LRRC4C: variants seen among roughly 807,000 people sequenced by gnomAD.
The protein encoded by LRRC4C is leucine rich repeat containing 4C.
In LRRC4C, 5 loss-of-function variants were observed where a neutral mutation model predicts 33.6. The ratio of observed to expected loss-of-function variants is 0.15; its 90% confidence interval spans 0.08 to 0.31. LRRC4C has a LOEUF of 0.31. Among genes scored for constraint, LRRC4C ranks in the 10% least tolerant of loss-of-function variants. The pLI is 1.00. For missense variants in LRRC4C, 560 were observed against 796.7 expected, an observed-to-expected ratio of 0.70 and a Z score of 3.58; for synonymous variants, 329 against 302.0, an observed-to-expected ratio of 1.09 and a Z score of -0.93.
In LRRC4C at chr11:40,756,831, T is replaced by C. The variant is rs1255944973; in HGVS notation, c.-406-108553A>G. Among the ~76,000 whole-genome samples, 10 of 152,110 alleles carry C rather than the reference T, an allele frequency of 6.6e-5. No homozygotes were observed. The East Asian group carries it at 9.7e-4, about 15-fold the overall frequency. ...ATTTGAAAACCAATGGATAAATGAA[T>C]ATACAGTTCAAGCTAGAGGACAGCC... On this transcript the variant is annotated intron_variant, in intron 2 of 6. Coordinates refer to ENST00000528697, the MANE Select transcript of LRRC4C (RefSeq NM_001258419.2).
At chr11:40,306,095 A>G (rs538438606) in intron 4 of LRRC4C, among the ~76,000 whole-genome samples, 1 of 152,292 alleles carries the variant, frequency 6.6e-6, no homozygotes, top group South Asian at 2.1e-4. Context: ...ATTCAGCCAG[A>G]CTGCCTGACT....
chr11:41,165,675 G>T (rs1944688755), intron 1 of LRRC4C, among the ~76,000 whole-genome samples: 1 of 152,018 alleles, frequency 6.6e-6, no homozygotes, highest in Admixed American at 6.6e-5. Flanking sequence ...TCCCCATAAT[G>T]TTTAACCCAG....
At chr11:41,093,169 A>C (rs1051334904) in intron 1 of LRRC4C, among the ~76,000 whole-genome samples, 15 of 152,164 alleles carry the variant, frequency 9.9e-5, no homozygotes, top group African/African-American at 3.6e-4. Flanking sequence ...CAAAGTCCCA[A>C]CTCCTCTGTT....
intron 2 of LRRC4C, among the ~76,000 whole-genome samples, chr11:40,838,330 A>G (rs148764395): frequency 1.4e-3 from 209 of 152,300 alleles, no homozygotes; most frequent in Non-Finnish European, 2.5e-3. Flanking sequence ...TTCTTTCTCA[A>G]TATTTTCAAC....
At chr11:40,316,966 G>C (rs1192782529) in intron 4 of LRRC4C, among the ~76,000 whole-genome samples, 1 of 151,860 alleles carries the variant, frequency 6.6e-6, no homozygotes, top group Non-Finnish European at 1.5e-5. Context: ...AAGGCTGTGG[G>C]AAATGGGAAA....
chr11:40,775,386 C>A (rs1257973827), intron 2 of LRRC4C, among the ~76,000 whole-genome samples: 1 of 150,420 alleles, frequency 6.6e-6, no homozygotes, highest in Non-Finnish European at 1.5e-5. Flanking sequence ...CTCCAGCCTG[C>A]CTGGATGACA....
intron 3 of LRRC4C, among the ~76,000 whole-genome samples, chr11:40,521,707 A>T (rs1016693452): frequency 1.3e-5 from 2 of 151,972 alleles, no homozygotes; most frequent in Non-Finnish European, 2.9e-5. Context: ...CGTCTCTACT[A>T]AAAATACAGA....
chr11:41,046,641 T>C (rs1857794909), intron 1 of LRRC4C, among the ~76,000 whole-genome samples: 1 of 152,170 alleles, frequency 6.6e-6, no homozygotes, highest in Admixed American at 6.5e-5. Flanking sequence ...TGTGCACATC[T>C]TGAGGTTGAC....
chr11:41,083,322 A>G (rs1445759065), intron 1 of LRRC4C, among the ~76,000 whole-genome samples: 2 of 152,114 alleles, frequency 1.3e-5, no homozygotes, highest in African/African-American at 4.8e-5. Context: ...CCCATACACT[A>G]GCAGGTAACA....
chr11:41,030,827 CACAT>C (rs1856686561), intron 1 of LRRC4C, among the ~76,000 whole-genome samples: 1 of 151,702 alleles, frequency 6.6e-6, no homozygotes, highest in Non-Finnish European at 1.5e-5. Flanking sequence ...TATATATATA[CACAT>C]ACATATATAT....
intron 2 of LRRC4C, among the ~76,000 whole-genome samples, chr11:40,740,488 CAAGTT>C (rs1327241797): frequency 6.6e-6 from 1 of 151,822 alleles, no homozygotes; most frequent in Non-Finnish European, 1.5e-5. Context: ...TAAAAAAAGT[CAAGTT>C]GTTTTCTTAC....
intron 3 of LRRC4C, among the ~76,000 whole-genome samples, chr11:40,485,874 T>C (rs1395912305): frequency 2.0e-5 from 3 of 152,000 alleles, no homozygotes; most frequent in Admixed American, 6.6e-5. Flanking sequence ...GCCATTATCC[T>C]AAGCAAACTA....
At chr11:40,350,224 G>A (rs762509605) in intron 3 of LRRC4C, among the ~76,000 whole-genome samples, 3 of 152,046 alleles carry the variant, frequency 2.0e-5, no homozygotes, top group East Asian at 3.9e-4. Flanking sequence ...CATAGCTTGC[G>A]ATCTTAGATT....
At chr11:40,810,721 A>C (rs546358611) in intron 2 of LRRC4C, among the ~76,000 whole-genome samples, 1 of 152,124 alleles carries the variant, frequency 6.6e-6, no homozygotes, top group Non-Finnish European at 1.5e-5. Flanking sequence ...TTCTTCTATT[A>C]CTATCACCCC....
chr11:41,246,003 T>C (rs2136596224), intron 1 of LRRC4C, among the ~76,000 whole-genome samples: 1 of 152,182 alleles, frequency 6.6e-6, no homozygotes, highest in South Asian at 2.1e-4. Flanking sequence ...CCGTAAGTTC[T>C]CACTCGGGTC....
At chr11:40,336,896 G>C (rs979271275) in intron 3 of LRRC4C, among the ~76,000 whole-genome samples, 1 of 146,262 alleles carries the variant, frequency 6.8e-6, no homozygotes, top group Admixed American at 7.1e-5. Context: ...AGAATGGCGT[G>C]AACCCGGAAG....
At chr11:40,310,105 C>A (rs989647314) in intron 4 of LRRC4C, among the ~76,000 whole-genome samples, 3 of 152,086 alleles carry the variant, frequency 2.0e-5, no homozygotes, top group African/African-American at 4.8e-5. Flanking sequence ...ATCATCCCCC[C>A]ACTTCTCCAC....
chr11:40,508,908 T>G (rs1479802130), intron 3 of LRRC4C, among the ~76,000 whole-genome samples: 1 of 151,986 alleles, frequency 6.6e-6, no homozygotes, highest in African/African-American at 2.4e-5. Context: ...AATAAGGAAA[T>G]ACTATTTTTG....
chr11:40,192,081 T>C (rs953072270), intron 5 of LRRC4C, among the ~76,000 whole-genome samples: 1 of 152,182 alleles, frequency 6.6e-6, no homozygotes, highest in African/African-American at 2.4e-5. Context: ...GATTAGACAT[T>C]GATATGATTG....
Sources: gnomAD v4.1 joint callset for allele counts (sites outside exome capture counted in the v4.1 genomes callset) on GRCh38, gnomAD v4.1.1 for gene constraint, MANE v1.5 for transcripts, NCBI Gene and HGNC (gene_info 2026-07-23, HGNC 2026-07-21) for gene names.